The following ITPK1 variants were observed in gnomAD, a reference collection of about 807,000 sequenced individuals.
The protein encoded by ITPK1 is inositol 1,3,4-trisphosphate 5/6-kinase.
ITPK1 carries 21 observed loss-of-function variants against 45.3 expected under a neutral mutation model. The ratio of observed to expected loss-of-function variants is 0.46; its 90% CI spans 0.33 to 0.67. ITPK1 has a LOEUF of 0.67. ITPK1 is among the 30% of genes least tolerant of loss of function. The probability of loss-of-function intolerance (pLI) is 0.02; values close to 1 mark genes in which losing one functional copy is unlikely to be tolerated. For missense variants in ITPK1, 474 were observed against 573.5 expected, an observed-to-expected ratio of 0.83 and a Z score of 1.77; for synonymous variants, 258 against 253.6, an observed-to-expected ratio of 1.02 and a Z score of -0.16.
chr14:93,002,275 G>A (rs115656928), intron 4 of ITPK1, among the ~76,000 whole-genome samples: 8,511 of 152,232 alleles, frequency 0.056, 819 homozygotes, highest in African/African-American at 0.19. Flanking sequence ...AGGAAGGTCG[G>A]GGCTCCAGTG....
chr14:92,941,219 C>T lies in ITPK1; in HGVS notation c.*342G>A, dbSNP rs1887371212. 3.9e-6 allele frequency: 5 copies of T among 1,297,204 alleles called. No individual in the cohort carries two copies. Among genetic ancestry groups the T allele is most frequent in the South Asian group, 1.6e-5 (1 of 62,472 alleles). The allele number at this position is 1,297,204 out of a possible 1,614,324, so 80.4% of individuals were successfully genotyped here. ...CACAGTGGCCATGGAGACCAACAGA[C>T]AGGGATGTGCACAGACACTGGCATG... On this transcript the variant is annotated 3_prime_UTR_variant, in exon 11 of 11. Coordinates refer to ENST00000267615, the MANE Select transcript of ITPK1 (RefSeq NM_014216.6).
intron 3 of ITPK1, among the ~76,000 whole-genome samples, chr14:93,043,003 C>T (rs888202663): frequency 6.2e-5 from 9 of 145,988 alleles, no homozygotes; most frequent in Admixed American, 2.9e-4. Flanking sequence ...GGTGACAGAG[C>T]GAGACTGTCT....
intron 10 of ITPK1, among the ~76,000 whole-genome samples, chr14:92,942,543 G>C (rs1055341618): frequency 2.6e-5 from 4 of 152,190 alleles, no homozygotes; most frequent in African/African-American, 9.7e-5. Flanking sequence ...ATACCTGCAG[G>C]GAGGCCCCCT....
intron 3 of ITPK1, among the ~76,000 whole-genome samples, chr14:93,030,332 C>T (rs1230701468): frequency 6.6e-6 from 1 of 152,224 alleles, no homozygotes; most frequent in Admixed American, 6.5e-5. Context: ...ATGAATCACA[C>T]ACAAAAGCCT....
At chr14:93,079,360 C>A (rs1184762784) in intron 2 of ITPK1, among the ~76,000 whole-genome samples, 1 of 152,222 alleles carries the variant, frequency 6.6e-6, no homozygotes, top group Non-Finnish European at 1.5e-5. Context: ...CACCACTCAC[C>A]AATACCTTCT....
chr14:93,042,121 A>C (rs1213479433), intron 3 of ITPK1, among the ~76,000 whole-genome samples: 1 of 152,200 alleles, frequency 6.6e-6, no homozygotes, highest in African/African-American at 2.4e-5. Context: ...GTACAAATCA[A>C]GTTATTTTAT....
intron 4 of ITPK1, among the ~76,000 whole-genome samples, chr14:92,994,314 G>A (rs1886942248): frequency 6.6e-6 from 1 of 152,224 alleles, no homozygotes; most frequent in Non-Finnish European, 1.5e-5. Flanking sequence ...TGGCTCCTCT[G>A]GGAGTGGCGG....
At chr14:93,019,189 C>T (rs1009462857) in intron 3 of ITPK1, among the ~76,000 whole-genome samples, 3 of 152,198 alleles carry the variant, frequency 2.0e-5, no homozygotes, top group Non-Finnish European at 4.4e-5. Flanking sequence ...GGAGCCGGGC[C>T]ACAGGAGCGA....
intron 3 of ITPK1, among the ~76,000 whole-genome samples, chr14:93,037,147 A>G (rs1889360085): frequency 6.6e-6 from 1 of 152,192 alleles, no homozygotes; most frequent in Admixed American, 6.5e-5. Flanking sequence ...GGGCCTACAC[A>G]GGAAGCCCCG....
intron 5 of ITPK1, among the ~76,000 whole-genome samples, chr14:92,975,779 G>A (rs1390415093): frequency 6.6e-6 from 1 of 152,162 alleles, no homozygotes; most frequent in Admixed American, 6.5e-5. Flanking sequence ...CAGCTCTCCT[G>A]GTCCTCAGGC....
chr14:92,949,652 C>A (rs114875345), intron 9 of ITPK1, among the ~76,000 whole-genome samples: 1 of 152,208 alleles, frequency 6.6e-6, no homozygotes, highest in Non-Finnish European at 1.5e-5. Flanking sequence ...GTGCCGACGA[C>A]GGGAGGAGCT....
chr14:92,973,782 G>A (rs1885785139), intron 5 of ITPK1, among the ~76,000 whole-genome samples: 1 of 152,228 alleles, frequency 6.6e-6, no homozygotes, highest in African/African-American at 2.4e-5. Flanking sequence ...TGCCAGGAAG[G>A]GCCCGGGTGA....
intron 3 of ITPK1, among the ~76,000 whole-genome samples, chr14:93,050,189 G>A (rs188100575): frequency 2.6e-5 from 4 of 152,194 alleles, no homozygotes; most frequent in Non-Finnish European, 5.9e-5. Context: ...GGTTGCACTC[G>A]GTGCATTTTA....
intron 3 of ITPK1, among the ~76,000 whole-genome samples, chr14:93,046,838 G>A (rs1235037228): frequency 6.6e-6 from 1 of 152,184 alleles, no homozygotes; most frequent in Non-Finnish European, 1.5e-5. Flanking sequence ...CCCATCAGAA[G>A]CTCTGCTCGG....
chr14:93,106,669 A>C (rs1892538690), intron 2 of ITPK1, among the ~76,000 whole-genome samples: 1 of 152,028 alleles, frequency 6.6e-6, no homozygotes, highest in South Asian at 2.1e-4. Flanking sequence ...CTCTAGTCAC[A>C]CCTTGCAGCA....
At chr14:93,021,314 C>T (rs1173141690) in intron 3 of ITPK1, among the ~76,000 whole-genome samples, 1 of 151,972 alleles carries the variant, frequency 6.6e-6, no homozygotes, top group Non-Finnish European at 1.5e-5. Context: ...ATGTTGGGGC[C>T]GGACATAGTG....
intron 3 of ITPK1, among the ~76,000 whole-genome samples, chr14:93,049,751 G>A (rs924840144): frequency 1.1e-4 from 14 of 127,434 alleles, no homozygotes; most frequent in Non-Finnish European, 1.6e-4. Flanking sequence ...ACAGAAGGAC[G>A]GGGGTGGGGG....
intron 5 of ITPK1, among the ~76,000 whole-genome samples, chr14:92,966,763 G>A (rs867605115): frequency 6.6e-6 from 1 of 152,242 alleles, no homozygotes; most frequent in African/African-American, 2.4e-5. Flanking sequence ...CAATGGAATA[G>A]AACAGAGAAT....
Position 92,943,267 on chromosome 14 carries a change from G to A in ITPK1, c.902-1363C>T, listed in dbSNP as rs975869944. Among the ~76,000 whole-genome samples the A allele has an allele frequency of 2.6e-5, 4 of 152,248 alleles. No individual in the cohort carries two copies. In the South Asian group the frequency reaches 8.3e-4, roughly 31 times the overall value. On this transcript the variant is annotated intron_variant, in intron 10 of 10. Coordinates refer to ENST00000267615, the MANE Select transcript of ITPK1 (RefSeq NM_014216.6). ...AGTGATGACGTCCATGGCGTTCACA[G>A]CACTCGGGAAGTAGCAGCCACTGGG...
Sources: gnomAD v4.1 joint callset for allele counts (sites outside exome capture counted in the v4.1 genomes callset) on GRCh38, gnomAD v4.1.1 for gene constraint, MANE v1.5 for transcripts, NCBI Gene and HGNC (gene_info 2026-07-23, HGNC 2026-07-21) for gene names.